The following SAP30L variants were observed in gnomAD, a reference collection of about 807,000 sequenced individuals.
SAP30L encodes the protein SAP30 like, also known as histone deacetylase complex subunit SAP30L.
SAP30L carries 10 observed loss-of-function variants against 22.3 expected under a neutral mutation model. The observed-to-expected ratio is 0.45, with a 90% CI of 0.28 to 0.76. The LOEUF is 0.76. Ranked by LOEUF, SAP30L falls within the 30% of genes least tolerant of loss-of-function variation. The pLI, the probability that SAP30L is intolerant of heterozygous loss-of-function variation, is 0.14. For synonymous variants in SAP30L, 91 were observed against 94.1 expected, an observed-to-expected ratio of 0.97 and a Z score of 0.19; for missense variants, 206 against 237.9, an observed-to-expected ratio of 0.87 and a Z score of 0.88.
intron 2 of SAP30L, 109 bp downstream of exon 2, chr5:154,451,322 G>A: frequency 8.3e-7 from 1 of 1,211,930 alleles, no homozygotes; most frequent in Non-Finnish European, 1.2e-6. Flanking sequence ...TAGTCCTTTT[G>A]TTTTGCTGTG....
intron 2 of SAP30L, 126 bp from the exon 3 acceptor site, chr5:154,453,276 T>C: frequency 1.5e-6 from 1 of 667,266 alleles, no homozygotes; most frequent in Middle Eastern, 4.2e-4. Flanking sequence ...AGACCATTTC[T>C]AAGACCTCTT....
intron 1 of SAP30L, among the ~76,000 whole-genome samples, chr5:154,449,652 TC>T (rs1383780577): frequency 1.3e-5 from 2 of 152,204 alleles, no homozygotes; most frequent in African/African-American, 4.8e-5. Flanking sequence ...TGTGCTTTCT[TC>T]CTGGAGAAAA....
rs150600908 is a variant in SAP30L at position 154,450,446 on chromosome 5, C to T, written c.202-645C>T. Among the ~76,000 whole-genome samples the T allele has an allele frequency of 1.1e-3, 166 of 152,234 alleles. 1 individual carries two copies. The highest frequency in any genetic ancestry group is 3.4e-3 in the Middle Eastern group (1 of 294). On this transcript the variant is annotated intron_variant, in intron 1 of 3. Transcript: ENST00000297109. ...TGTAAAAATAGAGTGTCCCAAATAC[C>T]GTTGCAACAGTCCCTTGTGTCCTGC...
At position 154,447,809 on chromosome 5, in the gene SAP30L, G is replaced by A. The variant is rs368022964; in HGVS notation, c.201+1004G>A. On this transcript the variant is annotated intron_variant, in intron 1 of 3. Transcript: ENST00000297109. ...TAGGGTTGAAACAGGCCCAGAGATA[G>A]GAAGTGAGGGTGTCAGGTACACACA... Among the ~76,000 whole-genome samples the A allele has an allele frequency of 9.5e-4, 145 of 152,254 alleles. 1 individual carries two copies. Among genetic ancestry groups the A allele is most frequent in the Middle Eastern group, 6.8e-3 (2 of 294 alleles).
chr5:154,455,568 C>G (rs1487884843), intron 3 of SAP30L, among the ~76,000 whole-genome samples: 3 of 152,216 alleles, frequency 2.0e-5, no homozygotes, highest in African/African-American at 7.2e-5. Flanking sequence ...TTGGTAGCAG[C>G]TGGCCAACCA....
rs1406608022 is a variant in SAP30L at position 154,456,012 on chromosome 5, G to A, written c.536G>A (p.Gly179Asp). Residue 179 changes from glycine to aspartate, a missense_variant, in exon 4 of 4, where the codon GGC becomes GAC. Physicochemically the swap from Gly to Asp is moderately conservative, Grantham distance 94 (BLOSUM62 -1). Transcript: ENST00000297109. The part of the protein sequence containing the change: ...KSRLDQKSEG[G>D]KQLE Reference sequence around the variant, plus strand: ...AGACTGGACCAGAAATCGGAGGGTGGCAAGCAGCTTGAGTGAGGATGAAGC... The same window carrying A: ...AGACTGGACCAGAAATCGGAGGGTGACAAGCAGCTTGAGTGAGGATGAAGC... 3 of 1,613,744 alleles carry A rather than the reference G, an allele frequency of 1.9e-6. No individual in the cohort carries two copies. The highest frequency in any genetic ancestry group is 1.3e-5 in the African/African-American group (1 of 74,898).
chr5:154,449,554 AC>A (rs1757096239), intron 1 of SAP30L, among the ~76,000 whole-genome samples: 1 of 152,184 alleles, frequency 6.6e-6, no homozygotes, highest in Non-Finnish European at 1.5e-5. Context: ...GTTACTGTGA[AC>A]TTGAGGAGCA....
chr5:154,449,965 AAC>A (rs1488846336), intron 1 of SAP30L, among the ~76,000 whole-genome samples: 8 of 152,214 alleles, frequency 5.3e-5, no homozygotes, highest in Non-Finnish European at 1.2e-4. Context: ...TAAATAAATA[AAC>A]AGTTTTCATT....
chr5:154,446,011 T>G lies in SAP30L; in HGVS notation c.-594T>G, dbSNP rs1756983784. Reference sequence around the variant, plus strand: ...AGCGAACTGTTGTGGTGCGGAGCGTTCGGCGGGCGGCGGCCGGGCGGCCCA... The same window carrying G: ...AGCGAACTGTTGTGGTGCGGAGCGTGCGGCGGGCGGCGGCCGGGCGGCCCA... On this transcript the variant is annotated 5_prime_UTR_variant, in exon 1 of 4. Transcript: ENST00000297109. The G allele has an allele frequency of 6.5e-6, 1 of 153,062 alleles. No individual in the cohort carries two copies. The highest frequency in any genetic ancestry group is 2.4e-5 in the African/African-American group (1 of 41,394). The allele number at this position is 153,062 out of a possible 1,614,324, so 9.5% of individuals were successfully genotyped here.
chr5:154,447,123 T>G (rs1002416103), intron 1 of SAP30L, among the ~76,000 whole-genome samples: 3 of 152,246 alleles, frequency 2.0e-5, no homozygotes, highest in Non-Finnish European at 4.4e-5. Context: ...TGTTGGCCCT[T>G]GAAGGAGCAA....
In SAP30L at chr5:154,456,137, T is replaced by G; in HGVS notation, c.*109T>G. On this transcript the variant is annotated 3_prime_UTR_variant, in exon 4 of 4. Coordinates refer to ENST00000297109, the MANE Select transcript of SAP30L (RefSeq NM_024632.6). ...AAATATTATTGTAAATAAAAAAGTT[T>G]GAATGATGAATACTGTAAATCTTTT... 8.9e-7 allele frequency: 1 copy of G among 1,125,976 alleles called. No homozygotes were observed. Among genetic ancestry groups the G allele is most frequent in the Non-Finnish European group, 1.2e-6 (1 of 817,572 alleles). The allele number at this position is 1,125,976 out of a possible 1,614,324, so 69.7% of individuals were successfully genotyped here. A position where few individuals can be genotyped will look rare whatever the true frequency, so the allele number is the denominator to read the frequency against.
Position 154,446,788 on chromosome 5 carries a change from C to A in SAP30L, c.184C>A (p.Leu62Met). Residue 62 changes from leucine to methionine, a missense_variant, in exon 1 of 4, where the codon CTG becomes ATG. Coordinates refer to ENST00000297109, the MANE Select transcript of SAP30L (RefSeq NM_024632.6). Reference sequence around the variant, plus strand: ...GAGCATCTCGCAGAAGAAACTCAAGCTGGACATCGACAAGAGCGTGAGTCC... The same window carrying A: ...GAGCATCTCGCAGAAGAAACTCAAGATGGACATCGACAAGAGCGTGAGTCC... The part of the protein sequence containing the change: ...QKSISQKKLK[L>M]DIDKSVRHLY... The A allele has an allele frequency of 6.2e-7, 1 of 1,603,588 alleles. No homozygotes were observed. The highest frequency in any genetic ancestry group is 8.5e-7 in the Non-Finnish European group (1 of 1,176,620).
chr5:154,446,419 G>A lies in SAP30L; in HGVS notation c.-186G>A. The A allele has an allele frequency of 2.2e-6, 1 of 448,478 alleles. No individual in the cohort carries two copies. Among genetic ancestry groups the A allele is most frequent in the Non-Finnish European group, 3.7e-6 (1 of 268,240 alleles). 27.8% of individuals were successfully genotyped at this position (448,478 alleles called of 1,614,324 possible). On this transcript the variant is annotated 5_prime_UTR_variant, in exon 1 of 4. Transcript: ENST00000297109. ...TCGAGCCGGGAGGAAGGGGGCTTCC[G>A]GAGGCGGAGGGCCGGGGGCCGAGGG...
intron 1 of SAP30L, among the ~76,000 whole-genome samples, chr5:154,449,036 C>G (rs528428598): frequency 1.8e-4 from 28 of 151,816 alleles, no homozygotes; most frequent in Non-Finnish European, 4.1e-4. Flanking sequence ...CTCCCAAAGG[C>G]CACTGAGCTC....
Position 154,446,483 on chromosome 5 carries a change from G to A in SAP30L, c.-122G>A. 2 of 809,794 alleles carry A rather than the reference G, an allele frequency of 2.5e-6. No homozygotes were observed. The highest frequency in any genetic ancestry group is 3.5e-6 in the Non-Finnish European group (2 of 571,048). The allele number at this position is 809,794 out of a possible 1,614,324, so 50.2% of individuals were successfully genotyped here. On this transcript the variant is annotated 5_prime_UTR_variant, in exon 1 of 4. Coordinates refer to ENST00000297109, the MANE Select transcript of SAP30L (RefSeq NM_024632.6). ...GGACGCGGGGCAGGGCAGCGCCCGG[G>A]CTGGAGACGGACTCTGGGACCCTCG...
At chr5:154,454,609 C>T (rs1338735294) in intron 3 of SAP30L, among the ~76,000 whole-genome samples, 3 of 152,176 alleles carry the variant, frequency 2.0e-5, no homozygotes, top group Non-Finnish European at 2.9e-5. Context: ...TCTTGCTCGA[C>T]CGTCACTTTT....
Position 154,456,003 on chromosome 5 carries a change from C to T in SAP30L, c.527C>T (p.Ser176Leu), listed in dbSNP as rs201712433. ...AACAAGAGTAGACTGGACCAGAAAT[C>T]GGAGGGTGGCAAGCAGCTTGAGTGA... is the stretch of plus-strand genomic sequence containing the variant. ...KSNKSRLDQKSEGGKQLE is the reference protein window; with the variant it reads ...KSNKSRLDQKLEGGKQLE The change falls in exon 4 of 4, where the codon TCG becomes TTG. Residue 176 changes from serine (S) to leucine (L), a missense_variant. By Grantham distance (145) the Ser-to-Leu change is moderately radical. This residue lies in a region of SAP30L where 136 missense variants were observed against 187.4 expected (regional missense o/e 0.73). Coordinates refer to ENST00000297109, the MANE Select transcript of SAP30L (RefSeq NM_024632.6). 18 of 1,613,862 alleles carry T rather than the reference C, an allele frequency of 1.1e-5. No individual in the cohort carries two copies. In the East Asian group the frequency reaches 3.3e-4, roughly 30 times the overall value.
chr5:154,454,063 C>T (rs538209142), intron 3 of SAP30L, among the ~76,000 whole-genome samples: 1 of 152,224 alleles, frequency 6.6e-6, no homozygotes, highest in Non-Finnish European at 1.5e-5. Flanking sequence ...AGCCATCCTT[C>T]CACCTCAGCC....
At chr5:154,451,450 A>G (rs1246896280) in intron 2 of SAP30L, 3 of 536,784 alleles carry the variant, frequency 5.6e-6, no homozygotes, top group Non-Finnish European at 9.8e-6. Flanking sequence ...GGTCATGTAT[A>G]TAGTTTGGAG....
Sources: gnomAD v4.1 joint callset for allele counts (sites outside exome capture counted in the v4.1 genomes callset) on GRCh38, gnomAD v4.1.1 for gene constraint, gnomAD v4.1.1 regional missense constraint, MANE v1.5 for transcripts, NCBI Gene and HGNC (gene_info 2026-07-23, HGNC 2026-07-21) for gene names.